VCAN: variants seen among roughly 807,000 people sequenced by gnomAD.
VCAN encodes the protein versican.
In VCAN, 44 loss-of-function variants were observed where a neutral mutation model predicts 245.5. The ratio of observed to expected loss-of-function variants is 0.18; its 90% CI spans 0.14 to 0.23. The LOEUF is 0.23. Among genes scored for constraint, VCAN ranks in the 10% least tolerant of loss-of-function variants. The pLI is 1.00. For missense variants in VCAN, 3,793 were observed against 4,057.9 expected (o/e 0.93, Z 1.77); for synonymous variants, 1,413 against 1,437.0 (o/e 0.98, Z 0.38).
intron 7 of VCAN, among the ~76,000 whole-genome samples, chr5:83,523,410 T>TC (rs1312239081): frequency 6.6e-6 from 1 of 151,826 alleles, no homozygotes; most frequent in Non-Finnish European, 1.5e-5. Context: ...TAGAAGATTT[T>TC]TTTTTTTTTT....
intron 7 of VCAN, among the ~76,000 whole-genome samples, chr5:83,525,046 G>GTTTT (rs34155062): frequency 6.0e-5 from 8 of 132,536 alleles, no homozygotes; most frequent in East Asian, 2.1e-4. Context: ...TATAAATCTT[G>GTTTT]TTTTTTTTTT....
intron 13 of VCAN, among the ~76,000 whole-genome samples, chr5:83,575,199 C>T (rs1206966005): frequency 6.6e-6 from 1 of 152,102 alleles, no homozygotes; most frequent in Non-Finnish European, 1.5e-5. Context: ...AGAAAGAGAA[C>T]ACTAACATAC....
chr5:83,562,680 G>C (rs954682971), intron 12 of VCAN, among the ~76,000 whole-genome samples: 1 of 151,238 alleles, frequency 6.6e-6, no homozygotes, highest in African/African-American at 2.4e-5. Flanking sequence ...AAAATATATT[G>C]AATGAGCTTT....
chr5:83,474,517 C>G (rs573571928), intron 1 of VCAN, among the ~76,000 whole-genome samples: 3 of 152,242 alleles, frequency 2.0e-5, no homozygotes, highest in Admixed American at 6.5e-5. Context: ...GGCCCGCCCC[C>G]ACTCGCTCAC....
intron 2 of VCAN, among the ~76,000 whole-genome samples, chr5:83,484,125 T>G (rs1400668138): frequency 6.6e-6 from 1 of 152,210 alleles, no homozygotes; most frequent in Non-Finnish European, 1.5e-5. Context: ...ATTTAATATA[T>G]TCAAGGAATT....
Position 83,545,741 on chromosome 5 carries a change from A to C in VCAN, c.9379+91A>C, listed in dbSNP as rs935794100. 97 of 1,042,204 alleles carry C rather than the reference A, an allele frequency of 9.3e-5. 1 individual carries two copies. Among genetic ancestry groups the C allele is most frequent in the Non-Finnish European group, 1.4e-4 (94 of 659,954 alleles). 64.6% of individuals were successfully genotyped at this position (1,042,204 alleles called of 1,614,324 possible). On this transcript the variant is annotated intron_variant, in intron 9 of 14. Coordinates refer to ENST00000265077, the MANE Select transcript of VCAN (RefSeq NM_004385.5). ...GTTGTCGAATCAATCAGAGATTTCA[A>C]AGAAACCCATATGAAGATTAATTAT...
At chr5:83,516,496 A>G (rs1745862220) in intron 6 of VCAN, among the ~76,000 whole-genome samples, 1 of 152,250 alleles carries the variant, frequency 6.6e-6, no homozygotes, top group East Asian at 1.9e-4. Flanking sequence ...TTATTAGGAA[A>G]ATCTGTCTCA....
chr5:83,550,397 T>C (rs1747415310), intron 10 of VCAN, among the ~76,000 whole-genome samples: 1 of 152,186 alleles, frequency 6.6e-6, no homozygotes, highest in African/African-American at 2.4e-5. Flanking sequence ...TTTCCATGCA[T>C]TGAATGATTT....
At chr5:83,505,185 C>T (rs1745447846) in intron 5 of VCAN, among the ~76,000 whole-genome samples, 1 of 152,182 alleles carries the variant, frequency 6.6e-6, no homozygotes, top group Non-Finnish European at 1.5e-5. Context: ...CAAAACCAAT[C>T]ATGCCTTCCC....
intron 8 of VCAN, among the ~76,000 whole-genome samples, chr5:83,544,308 A>G (rs1747117287): frequency 1.3e-5 from 2 of 152,240 alleles, no homozygotes; most frequent in African/African-American, 4.8e-5. Flanking sequence ...CATCTGAATT[A>G]ACCTAATTTT....
chr5:83,486,813 A>G (rs1444286200), intron 2 of VCAN, among the ~76,000 whole-genome samples: 3 of 152,206 alleles, frequency 2.0e-5, no homozygotes, highest in African/African-American at 7.2e-5. Context: ...GGCTAATTTC[A>G]GGAGAATTTT....
rs1217563781 is a variant in VCAN, at chr5:83,542,085, G to A, written c.9082G>A (p.Ala3028Thr). ...CAGAGGGCAGGATTCCACGATAGCA[G>A]CATCAGAACAGCAAGTGGCAGCGAG... is the stretch of plus-strand genomic sequence containing the variant. ...LIRGQDSTIA[A>T]SEQQVAARIL... Residue 3028 changes from alanine (A) to threonine (T), a missense_variant, in exon 8 of 15, where the codon GCA becomes ACA. Physicochemically the swap from Ala to Thr is moderately conservative, Grantham distance 58. Around this residue, in one of 5 missense-constraint regions of VCAN, gnomAD observed 3,182 missense variants for 3,250.3 expected, o/e 0.98. Coordinates refer to ENST00000265077, the MANE Select transcript of VCAN (RefSeq NM_004385.5). 6.2e-7 allele frequency: 1 copy of A among 1,613,814 alleles called. No homozygotes were observed. The highest frequency in any genetic ancestry group is 8.5e-7 in the Non-Finnish European group (1 of 1,179,750).
chr5:83,550,324 TGAAACAACC>T (rs1229772274), intron 10 of VCAN, among the ~76,000 whole-genome samples: 1 of 152,214 alleles, frequency 6.6e-6, no homozygotes, highest in African/African-American at 2.4e-5. Context: ...TGTAACCCAT[TGAAACAACC>T]TATTTTTTTG....
intron 11 of VCAN, 148 bp downstream of exon 11, chr5:83,553,670 A>C: frequency 4.4e-6 from 5 of 1,137,106 alleles, no homozygotes; most frequent in Non-Finnish European, 6.2e-6. Flanking sequence ...AAATCATCTC[A>C]CCTATGTTAA....
intron 1 of VCAN, among the ~76,000 whole-genome samples, chr5:83,480,822 A>G (rs1744588764): frequency 6.6e-6 from 1 of 152,210 alleles, no homozygotes; most frequent in Non-Finnish European, 1.5e-5. Flanking sequence ...TAAGAGCCCC[A>G]AATACTATTC....
intron 12 of VCAN, among the ~76,000 whole-genome samples, chr5:83,562,661 C>CA (rs4033003): frequency 0.09 from 13,510 of 149,428 alleles, 832 homozygotes; most frequent in South Asian, 0.25. Flanking sequence ...TGGAAAAGGC[C>CA]AAAAAAAAAA....
intron 9 of VCAN, among the ~76,000 whole-genome samples, chr5:83,546,543 C>A (rs1273887206): frequency 6.6e-6 from 1 of 151,650 alleles, no homozygotes; most frequent in Non-Finnish European, 1.5e-5. Flanking sequence ...ATCGCTTGAT[C>A]CCAGAAGTTC....
In VCAN at chr5:83,538,390, C is replaced by A; in HGVS notation, c.5387C>A (p.Thr1796Lys). The A allele has an allele frequency of 1.2e-6, 2 of 1,613,996 alleles. No homozygotes were observed. The highest frequency in any genetic ancestry group is 1.7e-6 in the Non-Finnish European group (2 of 1,179,964). Reference protein sequence around the residue: ...MTDSTPVFTETNTLENLGAQT... With the variant: ...MTDSTPVFTEKNTLENLGAQT... ...GATTCTACTCCTGTCTTTACAGAAA[C>A]AAATACATTAGAAAATTTGGGGGCA... is the stretch of plus-strand genomic sequence containing the variant. Residue 1796 changes from threonine to lysine, a missense_variant, in exon 8 of 15, where the codon ACA becomes AAA. Thr to Lys is a moderately conservative substitution (Grantham distance 78). Coordinates refer to ENST00000265077, the MANE Select transcript of VCAN (RefSeq NM_004385.5).
intron 7 of VCAN, among the ~76,000 whole-genome samples, chr5:83,529,637 G>T (rs2112426217): frequency 6.6e-6 from 1 of 152,066 alleles, no homozygotes; most frequent in South Asian, 2.1e-4. Context: ...AGTCTGTTTG[G>T]TCTTGTATAA....
Sources: allele counts gnomAD v4.1 joint callset (sites outside exome capture counted in the v4.1 genomes callset), GRCh38; gene constraint gnomAD v4.1.1; regional missense constraint gnomAD v4.1.1; transcripts MANE v1.5; gene names NCBI Gene and HGNC (gene_info 2026-07-23, HGNC 2026-07-21).